PHLDB2: variants seen among roughly 807,000 people sequenced by gnomAD.
The protein encoded by PHLDB2 is pleckstrin homology-like domain family B member 2.
Under a neutral mutation model 123.6 loss-of-function variants are expected in PHLDB2, and 71 were observed. That is an observed-to-expected ratio of 0.57 (90% CI 0.47 to 0.70). The LOEUF is 0.70. Ranked by LOEUF, PHLDB2 falls within the 30% of genes least tolerant of loss-of-function variation. PHLDB2 has a pLI of 0.00. For synonymous variants in PHLDB2, 547 were observed against 541.6 expected (o/e 1.01, Z -0.14); for missense variants, 1,446 against 1,519.5 (o/e 0.95, Z 0.80).
rs1200773015 is a variant in PHLDB2, at chr3:111,831,618, A to AT, written c.-48-14201dup. Among the ~76,000 whole-genome samples, 3 of 152,322 alleles carry AT rather than the reference A, an allele frequency of 2.0e-5. No homozygotes were observed. The East Asian group carries it at 5.8e-4, about 29-fold the overall frequency. ...TATTTAATATGTCTCAATACATAGT[A>AT]TTGTTCAAGACCAAGTTTGAATACC... On this transcript the variant is annotated intron_variant, in intron 1 of 17. Transcript: ENST00000393923.
chr3:111,838,651 A>G (rs1355498148), intron 1 of PHLDB2, among the ~76,000 whole-genome samples: 1 of 152,226 alleles, frequency 6.6e-6, no homozygotes, highest in Non-Finnish European at 1.5e-5. Flanking sequence ...AGAATTAGTG[A>G]CAATCTGAAT....
intron 12 of PHLDB2, among the ~76,000 whole-genome samples, chr3:111,959,604 A>G (rs2071269667): frequency 6.6e-6 from 1 of 152,220 alleles, no homozygotes; most frequent in African/African-American, 2.4e-5. Flanking sequence ...AACCCTTAGC[A>G]CAGTACAAAT....
At chr3:111,898,214 C>G (rs1480525864) in intron 2 of PHLDB2, among the ~76,000 whole-genome samples, 1 of 136,046 alleles carries the variant, frequency 7.4e-6, no homozygotes, top group African/African-American at 2.8e-5. Flanking sequence ...GTGTCTTGCT[C>G]TGTCTCCCAG....
At chr3:111,916,944 A>G (rs2107518446) in intron 3 of PHLDB2, 1 of 152,346 alleles carries the variant, frequency 6.6e-6, no homozygotes, top group South Asian at 2.1e-4. Flanking sequence ...TTACTGGAAA[A>G]AAAAATTCCC....
At chr3:111,960,373 A>G (rs1382104721) in intron 12 of PHLDB2, among the ~76,000 whole-genome samples, 5 of 152,218 alleles carry the variant, frequency 3.3e-5, no homozygotes, top group East Asian at 1.9e-4. Flanking sequence ...TAAAAAATAC[A>G]TATGTATTTA....
chr3:111,787,979 C>T (rs1287641452), intron 1 of PHLDB2, among the ~76,000 whole-genome samples: 1 of 152,114 alleles, frequency 6.6e-6, no homozygotes, highest in Non-Finnish European at 1.5e-5. Context: ...GGTAAGAAAT[C>T]CTCCAGTCTG....
At chr3:111,886,369 C>T (rs904865328) in intron 2 of PHLDB2, among the ~76,000 whole-genome samples, 8 of 152,196 alleles carry the variant, frequency 5.3e-5, no homozygotes, top group South Asian at 2.1e-4. Context: ...GCCTGTGGGC[C>T]GCACAAGGCC....
At chr3:111,827,369 T>C (rs1420163331) in intron 1 of PHLDB2, among the ~76,000 whole-genome samples, 3 of 152,160 alleles carry the variant, frequency 2.0e-5, no homozygotes, top group Admixed American at 6.5e-5. Context: ...TCCCACTCTG[T>C]TATGACTCGG....
intron 1 of PHLDB2, among the ~76,000 whole-genome samples, chr3:111,881,767 ACTTTT>A (rs1448881300): frequency 1.6e-5 from 2 of 126,128 alleles, no homozygotes; most frequent in Admixed American, 8.5e-5. Context: ...CACATACCTC[ACTTTT>A]CTTTTTTTTT....
chr3:111,741,823 A>T (rs761870705), intron 1 of PHLDB2, among the ~76,000 whole-genome samples: 1 of 152,208 alleles, frequency 6.6e-6, no homozygotes, highest in Non-Finnish European at 1.5e-5. Context: ...ATCCTTCAGC[A>T]TGTAAAAAAT....
intron 1 of PHLDB2, among the ~76,000 whole-genome samples, chr3:111,794,361 G>T (rs373242888): frequency 2.0e-5 from 3 of 152,118 alleles, no homozygotes; most frequent in East Asian, 3.9e-4. Context: ...TGTGGCTGCC[G>T]CTGCGGAATA....
chr3:111,955,842 G>A (rs1488317757), intron 12 of PHLDB2, among the ~76,000 whole-genome samples: 2 of 152,204 alleles, frequency 1.3e-5, no homozygotes, highest in African/African-American at 2.4e-5. Context: ...TACTTCAGGT[G>A]TTTAATTGAA....
rs78216025 is a variant in PHLDB2 at position 111,890,896 on chromosome 3, G to A, written c.1335+5484G>A. Among the ~76,000 whole-genome samples the A allele has an allele frequency of 0.015, 2,252 of 152,102 alleles. 106 individuals are homozygous for A. In the South Asian group the frequency reaches 0.16, roughly 11 times the overall value. ...GCTCTCAGCTGCCAATTCATGCTTT[G>A]GTCATTTTTGCCAGCCTTTTCGTTT... On this transcript the variant is annotated intron_variant, in intron 2 of 17. Coordinates refer to ENST00000431670, the MANE Select transcript of PHLDB2 (RefSeq NM_001134438.2).
At chr3:111,949,324 A>G (rs1278678435) in intron 10 of PHLDB2, among the ~76,000 whole-genome samples, 2 of 134,644 alleles carry the variant, frequency 1.5e-5, no homozygotes, top group African/African-American at 6.0e-5. Context: ...TCAAAGAAAT[A>G]TGTTCTATGT....
intron 1 of PHLDB2, among the ~76,000 whole-genome samples, chr3:111,879,988 T>C (rs1379465670): frequency 1.2e-3 from 49 of 41,832 alleles, no homozygotes; most frequent in African/African-American, 2.7e-3. Flanking sequence ...CCACTGCCTT[T>C]TTTTTTTTTT....
intron 1 of PHLDB2, among the ~76,000 whole-genome samples, chr3:111,787,144 G>A (rs895568499): frequency 1.3e-5 from 2 of 152,302 alleles, no homozygotes; most frequent in Admixed American, 6.5e-5. Context: ...AATTGTGTTG[G>A]ATGTCTTTAA....
intron 1 of PHLDB2, among the ~76,000 whole-genome samples, chr3:111,822,886 C>T (rs1231499926): frequency 7.2e-6 from 1 of 139,390 alleles, no homozygotes; most frequent in Non-Finnish European, 1.5e-5. Flanking sequence ...GTTTAGCCCT[C>T]GGAAAAAAAA....
intron 5 of PHLDB2, among the ~76,000 whole-genome samples, chr3:111,921,443 A>G (rs2068494474): frequency 6.6e-6 from 1 of 152,162 alleles, no homozygotes; most frequent in African/African-American, 2.4e-5. Context: ...ACCTATAAAT[A>G]AGGGCATTTG....
chr3:111,806,289 C>T (rs866487032), intron 1 of PHLDB2, among the ~76,000 whole-genome samples: 1 of 152,230 alleles, frequency 6.6e-6, no homozygotes, highest in Middle Eastern at 3.4e-3. Context: ...ATACCCATCA[C>T]ACCAGAAAGT....
Sources: gnomAD v4.1 joint callset for allele counts (sites outside exome capture counted in the v4.1 genomes callset) on GRCh38, gnomAD v4.1.1 for gene constraint, MANE v1.5 for transcripts, NCBI Gene and HGNC (gene_info 2026-07-23, HGNC 2026-07-21) for gene names.